CACNA1C: variants seen among roughly 807,000 people sequenced by gnomAD.
CACNA1C encodes the protein voltage-dependent L-type calcium channel subunit alpha-1C.
A neutral mutation model predicts 229.0 loss-of-function variants in CACNA1C; 30 were observed. That is an observed-to-expected ratio of 0.13 (90% CI 0.10 to 0.18). The LOEUF is 0.18. CACNA1C is among the 10% of genes least tolerant of loss of function. The probability of loss-of-function intolerance (pLI) is 1.00; values close to 1 mark genes in which losing one functional copy is unlikely to be tolerated. For missense variants in CACNA1C, 1,658 were observed against 2,845.0 expected, an observed-to-expected ratio of 0.58 and a Z score of 9.49; for synonymous variants, 1,114 against 1,132.5, an observed-to-expected ratio of 0.98 and a Z score of 0.33.
rs963893878 is a variant in CACNA1C at position 1,990,353 on chromosome 12, C to G, written c.139+19152C>G. On this transcript the variant is annotated intron_variant, in intron 1 of 46. Transcript: ENST00000682462. ...TTTAAAGTTCATACAGGTCAAACCC[C>G]ATTTTAACAATGTTTAAACCCTTTA... Among the ~76,000 whole-genome samples the G allele has an allele frequency of 6.6e-5, 10 of 152,226 alleles. No homozygotes were observed. In the East Asian group the frequency reaches 1.7e-3, roughly 26 times the overall value.
At chr12:2,004,571 C>T (rs2043015118) in intron 1 of CACNA1C, 4 of 1,260,336 alleles carry the variant, frequency 3.2e-6, no homozygotes, top group Non-Finnish European at 4.3e-6. Flanking sequence ...TCACCCCCAC[C>T]CTCCTGCCCG....
chr12:2,198,236 C>A (rs2097474146), intron 3 of CACNA1C, among the ~76,000 whole-genome samples: 1 of 152,176 alleles, frequency 6.6e-6, no homozygotes, highest in Non-Finnish European at 1.5e-5. Context: ...ATACCCAGAT[C>A]TGGCAGCATC....
intron 4 of CACNA1C, among the ~76,000 whole-genome samples, chr12:2,454,744 C>G (rs1181156675): frequency 1.3e-5 from 2 of 152,152 alleles, no homozygotes; most frequent in Non-Finnish European, 2.9e-5. Flanking sequence ...TCCATTCACC[C>G]TTCTGCTTTC....
At chr12:2,611,246 A>G (rs2077572122) in intron 28 of CACNA1C, among the ~76,000 whole-genome samples, 1 of 108,368 alleles carries the variant, frequency 9.2e-6, no homozygotes, top group Admixed American at 9.8e-5. Flanking sequence ...AGGGGAGGAG[A>G]TGGAGAAGGG....
chr12:2,472,847 C>G (rs550305953), intron 5 of CACNA1C, among the ~76,000 whole-genome samples: 2 of 152,328 alleles, frequency 1.3e-5, no homozygotes, highest in South Asian at 4.1e-4. Context: ...CATCAGCAGA[C>G]AGTTTACCAT....
intron 3 of CACNA1C, among the ~76,000 whole-genome samples, chr12:2,224,530 G>C (rs1404457651): frequency 6.6e-6 from 1 of 152,190 alleles, no homozygotes; most frequent in Non-Finnish European, 1.5e-5. Flanking sequence ...GTGATAGCCA[G>C]GGTGGTCAGC....
chr12:1,976,921 A>C (rs1390183525), intron 1 of CACNA1C, among the ~76,000 whole-genome samples: 1 of 152,088 alleles, frequency 6.6e-6, no homozygotes, highest in Non-Finnish European at 1.5e-5. Flanking sequence ...AGGGAAGAAG[A>C]AAAGTCTTCA....
At chr12:2,377,263 C>G (rs1217045576) in intron 3 of CACNA1C, among the ~76,000 whole-genome samples, 1 of 152,136 alleles carries the variant, frequency 6.6e-6, no homozygotes, top group Admixed American at 6.5e-5. Flanking sequence ...CTCCCGGCCC[C>G]CGTTCTGTTT....
chr12:2,313,538 C>T (rs2095540049), intron 3 of CACNA1C, among the ~76,000 whole-genome samples: 1 of 152,180 alleles, frequency 6.6e-6, no homozygotes. Context: ...AAGAGCATTC[C>T]TATAATCAGT....
At chr12:2,100,237 G>C (rs2075776043) in intron 1 of CACNA1C, among the ~76,000 whole-genome samples, 2 of 152,132 alleles carry the variant, frequency 1.3e-5, no homozygotes, top group South Asian at 4.1e-4. Flanking sequence ...CCTGAGGTCA[G>C]GACTTCGAGA....
At chr12:2,587,179 C>T (rs926373211) in intron 18 of CACNA1C, among the ~76,000 whole-genome samples, 1 of 147,390 alleles carries the variant, frequency 6.8e-6, no homozygotes, top group African/African-American at 2.5e-5. Context: ...TAAATGTTTA[C>T]GAGTTGCTTT....
In CACNA1C at chr12:2,572,035, CTCTTT is replaced by C. The variant is rs1193784337; in HGVS notation, c.1895+4243_1895+4247del. ...TACTCATATGTAGAAGAAATTTCTT[CTCTTT>C]TTTTTTTTTTTTTTTTTTACAATGT... is the stretch of plus-strand genomic sequence containing the variant. On this transcript the variant is annotated intron_variant, in intron 13 of 46. Transcript: ENST00000399655. 2.9e-3 allele frequency among the ~76,000 whole-genome samples: 286 copies of C among 96,954 alleles called. 1 individual carries two copies. Among genetic ancestry groups the C allele is most frequent in the African/African-American group, 8.3e-3 (217 of 26,120 alleles). 63.6% of individuals were successfully genotyped at this position (96,954 alleles called of 152,430 possible). A position where few individuals can be genotyped will look rare whatever the true frequency, so the allele number is the denominator to read the frequency against.
At chr12:2,153,584 C>T (rs1200680221) in intron 3 of CACNA1C, among the ~76,000 whole-genome samples, 1 of 152,134 alleles carries the variant, frequency 6.6e-6, no homozygotes, top group East Asian at 1.9e-4. Flanking sequence ...CCTTTTGTGA[C>T]TGGAGCTAGT....
intron 1 of CACNA1C, among the ~76,000 whole-genome samples, chr12:2,089,004 G>C (rs2068930216): frequency 6.6e-6 from 1 of 152,186 alleles, no homozygotes; most frequent in African/African-American, 2.4e-5. Flanking sequence ...ACTTCTGGGA[G>C]ACCCTGTGGG....
At chr12:2,559,894 AAAAAG>A (rs1232077411) in intron 11 of CACNA1C, among the ~76,000 whole-genome samples, 2 of 152,240 alleles carry the variant, frequency 1.3e-5, no homozygotes, top group African/African-American at 4.8e-5. Flanking sequence ...GTTAAAAAAT[AAAAAG>A]AAACAGGAAA....
intron 3 of CACNA1C, among the ~76,000 whole-genome samples, chr12:2,396,765 C>T (rs191646308): frequency 5.3e-5 from 8 of 152,350 alleles, no homozygotes; most frequent in Admixed American, 1.3e-4. Context: ...GTTTCATTAG[C>T]GGTTTTCTAA....
At chr12:2,135,130 G>A (rs1204309392) in intron 3 of CACNA1C, among the ~76,000 whole-genome samples, 1 of 147,896 alleles carries the variant, frequency 6.8e-6, no homozygotes, top group African/African-American at 2.6e-5. Flanking sequence ...TCTTCATGTA[G>A]TTCTTGAGCC....
At chr12:2,308,539 A>G (rs1269971601) in intron 3 of CACNA1C, among the ~76,000 whole-genome samples, 4 of 152,152 alleles carry the variant, frequency 2.6e-5, no homozygotes, top group South Asian at 2.1e-4. Context: ...TCATTGGTCT[A>G]TGTGTCTTGT....
chr12:2,617,928 T>C (rs1284567294), intron 29 of CACNA1C, among the ~76,000 whole-genome samples: 1 of 152,280 alleles, frequency 6.6e-6, no homozygotes, highest in Non-Finnish European at 1.5e-5. Context: ...TAGAAACTTC[T>C]GTCCTTTAGA....
Sources: allele counts gnomAD v4.1 joint callset (sites outside exome capture counted in the v4.1 genomes callset), GRCh38; gene constraint gnomAD v4.1.1; transcripts MANE v1.5; gene names NCBI Gene and HGNC (gene_info 2026-07-23, HGNC 2026-07-21).